Variants in PLCE1 observed in about 807,000 individuals in gnomAD.
PLCE1 encodes 1-phosphatidylinositol 4,5-bisphosphate phosphodiesterase epsilon-1.
A neutral mutation model predicts 242.8 loss-of-function variants in PLCE1; 119 were observed. The ratio of observed to expected loss-of-function variants is 0.49; its 90% CI spans 0.42 to 0.57. The LOEUF (loss-of-function observed/expected upper bound fraction) is 0.57. Among genes scored for constraint, PLCE1 ranks in the 20% least tolerant of loss-of-function variants. The probability of loss-of-function intolerance (pLI) is 0.00; values close to 1 mark genes in which losing one functional copy is unlikely to be tolerated. For missense variants in PLCE1, 2,441 were observed against 2,788.8 expected, an observed-to-expected ratio of 0.88 and a Z score of 2.81; for synonymous variants, 945 against 1,017.4, an observed-to-expected ratio of 0.93 and a Z score of 1.35.
chr10:94,137,109 C>T (rs1292450493), intron 3 of PLCE1, among the ~76,000 whole-genome samples: 1 of 152,066 alleles, frequency 6.6e-6, no homozygotes, highest in Non-Finnish European at 1.5e-5. Flanking sequence ...AGGAGAATGG[C>T]GTGAACCCGG....
intron 2 of PLCE1, among the ~76,000 whole-genome samples, chr10:94,080,656 T>G (rs903717418): frequency 6.6e-6 from 1 of 152,214 alleles, no homozygotes; most frequent in Non-Finnish European, 1.5e-5. Context: ...ACTGGCCCCC[T>G]TCACCAGCCT....
At chr10:94,238,787 T>G (rs1252093835) in intron 7 of PLCE1, among the ~76,000 whole-genome samples, 3 of 152,126 alleles carry the variant, frequency 2.0e-5, no homozygotes, top group African/African-American at 7.2e-5. Flanking sequence ...AGCTGCAAGT[T>G]CTTATTGTCA....
At chr10:94,007,563 C>T (rs1278355853) in intron 1 of PLCE1, among the ~76,000 whole-genome samples, 1 of 136,296 alleles carries the variant, frequency 7.3e-6, no homozygotes, top group African/African-American at 2.8e-5. Context: ...TATACAAATA[C>T]ATTCTCTCTC....
chr10:94,204,851 T>G (rs1053649868), intron 4 of PLCE1, among the ~76,000 whole-genome samples: 2 of 151,890 alleles, frequency 1.3e-5, no homozygotes, highest in Non-Finnish European at 2.9e-5. Context: ...AGAGCAGTTT[T>G]GAGGGCAGAA....
intron 5 of PLCE1, 87 bp downstream of exon 5, chr10:94,227,538 T>G (rs1187518284): frequency 8.1e-7 from 1 of 1,230,540 alleles, no homozygotes; most frequent in Non-Finnish European, 1.2e-6. Flanking sequence ...GGGACTCACC[T>G]TTACCCAAGC....
intron 28 of PLCE1, 67 bp from the exon 29 acceptor site, chr10:94,316,480 C>A: frequency 1.0e-6 from 1 of 975,154 alleles, no homozygotes; most frequent in Non-Finnish European, 1.7e-6. Context: ...CCTATCTGAA[C>A]ACCATGAAAG....
chr10:94,260,941 C>G (rs943861403), intron 13 of PLCE1, among the ~76,000 whole-genome samples: 4 of 152,176 alleles, frequency 2.6e-5, no homozygotes, highest in African/African-American at 9.7e-5. Context: ...TTAGTAATAT[C>G]TGGCATTAGT....
chr10:94,109,030 C>CAG (rs2045859859), intron 2 of PLCE1: 1 of 152,186 alleles, frequency 6.6e-6, no homozygotes, highest in Non-Finnish European at 1.5e-5. Context: ...TATAGACAAG[C>CAG]AGAAACCCAG....
intron 4 of PLCE1, among the ~76,000 whole-genome samples, chr10:94,192,234 T>C (rs2048690133): frequency 6.6e-6 from 1 of 152,210 alleles, no homozygotes; most frequent in Admixed American, 6.5e-5. Context: ...TGCAGGTTTG[T>C]TTCATGGGTG....
intron 32 of PLCE1, among the ~76,000 whole-genome samples, chr10:94,327,478 G>A (rs2054068953): frequency 6.6e-6 from 1 of 152,186 alleles, no homozygotes; most frequent in Non-Finnish European, 1.5e-5. Flanking sequence ...AGGAGGCTGA[G>A]GCAGGAGAAT....
At chr10:94,175,072 A>AG (rs956416401) in intron 4 of PLCE1, among the ~76,000 whole-genome samples, 2 of 152,230 alleles carry the variant, frequency 1.3e-5, no homozygotes, top group Non-Finnish European at 2.9e-5. Context: ...AATTGTAAGC[A>AG]GTGAGCTCAG....
chr10:94,132,854 G>T (rs2046645892), intron 3 of PLCE1, among the ~76,000 whole-genome samples: 1 of 151,378 alleles, frequency 6.6e-6, no homozygotes, highest in East Asian at 2.0e-4. Flanking sequence ...GGAGGCTGAG[G>T]CAGGAGAATG....
At chr10:94,247,854 C>A (rs1589415592) in intron 8 of PLCE1, among the ~76,000 whole-genome samples, 1 of 152,272 alleles carries the variant, frequency 6.6e-6, no homozygotes, top group South Asian at 2.1e-4. Flanking sequence ...AGAGTAGCAT[C>A]CCTTGGGGAA....
intron 3 of PLCE1, among the ~76,000 whole-genome samples, chr10:94,170,762 T>G (rs2047946918): frequency 6.6e-6 from 1 of 152,212 alleles, no homozygotes; most frequent in Non-Finnish European, 1.5e-5. Flanking sequence ...ATACATATTC[T>G]TCACCACACA....
intron 7 of PLCE1, among the ~76,000 whole-genome samples, chr10:94,238,955 C>T (rs2050411154): frequency 6.6e-6 from 1 of 152,160 alleles, no homozygotes; most frequent in Non-Finnish European, 1.5e-5. Context: ...TTGCCTGGGA[C>T]TGAATTTTGA....
At position 94,197,067 on chromosome 10, in the gene PLCE1, T is replaced by C. The variant is rs181870091; in HGVS notation, c.1809+25571T>C. Among the ~76,000 whole-genome samples the C allele has an allele frequency of 2.4e-3, 366 of 152,302 alleles. 7 individuals carry two copies. The highest frequency in any genetic ancestry group is 0.019 in the Admixed American group (288 of 15,288). ...CAATGGATTTGCCTATTCTGGATAT[T>C]TTGTATAAATTGAATCACACAATAA... On this transcript the variant is annotated intron_variant, in intron 4 of 32. Coordinates refer to ENST00000371380, the MANE Select transcript of PLCE1 (RefSeq NM_016341.4).
At chr10:94,289,515 C>T (rs1277977904) in intron 22 of PLCE1, among the ~76,000 whole-genome samples, 1 of 152,192 alleles carries the variant, frequency 6.6e-6, no homozygotes, top group Non-Finnish European at 1.5e-5. Flanking sequence ...TTAGACAAAG[C>T]TACAGTGTAG....
At chr10:94,246,705 TC>T in intron 8 of PLCE1, 84 bp downstream of exon 8, 1 of 1,280,928 alleles carries the variant, frequency 7.8e-7, no homozygotes, top group Non-Finnish European at 1.1e-6. Flanking sequence ...AGGTTCATGC[TC>T]CCAGCTCTGA....
chr10:94,327,234 T>C (rs1299969395), intron 32 of PLCE1, among the ~76,000 whole-genome samples: 2 of 152,172 alleles, frequency 1.3e-5, no homozygotes, highest in Non-Finnish European at 2.9e-5. Context: ...TGTTATGACC[T>C]CCTTTACAAT....
Sources: gnomAD v4.1 joint callset for allele counts (sites outside exome capture counted in the v4.1 genomes callset) on GRCh38, gnomAD v4.1.1 for gene constraint, MANE v1.5 for transcripts, NCBI Gene and HGNC (gene_info 2026-07-23, HGNC 2026-07-21) for gene names.